The following GEN1 variants were observed in gnomAD, a reference collection of about 807,000 sequenced individuals.
GEN1 encodes the protein GEN1 structure-specific endonuclease, also known as flap endonuclease GEN homolog 1.
GEN1 carries 64 observed loss-of-function variants against 67.6 expected under a neutral mutation model. The observed-to-expected ratio is 0.95, with a 90% CI of 0.77 to 1.17. The LOEUF (loss-of-function observed/expected upper bound fraction) is 1.17. GEN1 is among the 50% of genes most tolerant of loss of function. The pLI is 0.00. For missense variants in GEN1, 1,058 were observed against 1,048.3 expected (o/e 1.01, Z -0.13); for synonymous variants, 371 against 359.4 (o/e 1.03, Z -0.37).
Position 17,766,619 on chromosome 2 carries a change from G to A in GEN1, c.566G>A (p.Ser189Asn), listed in dbSNP as rs116772931. 0.016 allele frequency: 26,515 copies of A among 1,608,004 alleles called. 284 individuals carry two copies. Among genetic ancestry groups the A allele is most frequent in the Non-Finnish European group, 0.019 (22,386 of 1,174,954 alleles). Residue 189 changes from serine to asparagine, a missense_variant, in exon 5 of 14, where the codon AGT becomes AAT. Coordinates refer to ENST00000381254, the MANE Select transcript of GEN1 (RefSeq NM_001130009.3). The stretch of plus-strand genomic sequence containing the variant: ...TGTTACACAATGTCATCTATCAAGA[G>A]TAAACTAGGTTTGGATAGAGATGCT... ...VDCYTMSSIK[S>N]KLGLDRDALV...
At chr2:17,765,301 C>T (rs1419308669) in intron 4 of GEN1, among the ~76,000 whole-genome samples, 1 of 152,140 alleles carries the variant, frequency 6.6e-6, no homozygotes, top group Non-Finnish European at 1.5e-5. Flanking sequence ...TGGTTTGATT[C>T]TAAATCATTT....
chr2:17,782,006 G>A lies in GEN1; in HGVS notation c.*67G>A, dbSNP rs1374385071. On this transcript the variant is annotated 3_prime_UTR_variant, in exon 14 of 14. Transcript: ENST00000381254. ...TCAGCAATAGCAGAGACAGAGGGAA[G>A]GTATCTAGTTCATGTGTGGTAAAAA... The A allele has an allele frequency of 1.2e-6, 1 of 830,612 alleles. No homozygotes were observed. The highest frequency in any genetic ancestry group is 2.6e-5 in the East Asian group (1 of 38,766). The allele number at this position is 830,612 out of a possible 1,614,324, so 51.5% of individuals were successfully genotyped here. A position where few individuals can be genotyped will look rare whatever the true frequency, so the allele number is the denominator to read the frequency against.
Position 17,780,924 on chromosome 2 carries a change from A to G in GEN1, c.1712A>G (p.Asn571Ser), listed in dbSNP as rs372381849. Residue 571 changes from asparagine to serine, a missense_variant, in exon 14 of 14, where the codon AAT (asparagine) becomes AGT (serine). Asn to Ser is a conservative substitution (Grantham distance 46). Coordinates refer to ENST00000381254, the MANE Select transcript of GEN1 (RefSeq NM_001130009.3). ...KSLISESSQPNTSSHNISVIA... is the reference protein window; with the variant it reads ...KSLISESSQPSTSSHNISVIA... ...CTAATTTCAGAATCTAGTCAACCCA[A>G]TACCTCATCTCATAATATATCCGTG... 156 of 1,613,588 alleles carry G rather than the reference A, an allele frequency of 9.7e-5. No individual in the cohort carries two copies. The highest frequency in any genetic ancestry group is 1.2e-4 in the Non-Finnish European group (147 of 1,179,826).
At chr2:17,775,007 G>A (rs1473813363) in intron 11 of GEN1, among the ~76,000 whole-genome samples, 1 of 152,072 alleles carries the variant, frequency 6.6e-6, no homozygotes, top group African/African-American at 2.4e-5. Flanking sequence ...TAAAAGAATT[G>A]AAGAAGAAAG....
Position 17,773,251 on chromosome 2 carries a change from A to G in GEN1, c.1023A>G (p.Lys341=), listed in dbSNP as rs1242409929. The change falls in exon 10 of 14, where the codon AAA becomes AAG. Residue 341 remains lysine, a synonymous_variant. Coordinates refer to ENST00000381254, the MANE Select transcript of GEN1 (RefSeq NM_001130009.3). ...VIQEFLLNKD[K]LVKVIRYQRP... ...AAGAATTCCTTTTAAACAAGGATAA[A>G]TTGGTGAAGGTTATCAGGTACCAAA... 1 of 1,602,816 alleles carries G rather than the reference A, an allele frequency of 6.2e-7. No individual in the cohort carries two copies. Among genetic ancestry groups the G allele is most frequent in the African/African-American group, 1.3e-5 (1 of 74,668 alleles).
chr2:17,765,117 C>T (rs1231326453), intron 4 of GEN1, 44 bp downstream of exon 4: 3 of 1,580,442 alleles, frequency 1.9e-6, no homozygotes, highest in Non-Finnish European at 2.6e-6. Flanking sequence ...TTACGAACTA[C>T]CTTTTTTAAA....
chr2:17,762,203 G>GTT (rs528367680), intron 3 of GEN1, among the ~76,000 whole-genome samples: 104 of 125,636 alleles, frequency 8.3e-4, no homozygotes, highest in African/African-American at 1.1e-3. Flanking sequence ...TTTTTTGGTT[G>GTT]TTTTTTTTTT....
At chr2:17,778,320 ACAC>A (rs1672608335) in intron 12 of GEN1, among the ~76,000 whole-genome samples, 2 of 44,394 alleles carry the variant, frequency 4.5e-5, no homozygotes, top group African/African-American at 1.4e-4. Flanking sequence ...ATATACACAC[ACAC>A]GTGTACATAT....
At position 17,781,975 on chromosome 2, in the gene GEN1, G is replaced by A. The variant is rs1440317779; in HGVS notation, c.*36G>A. 4 of 1,192,534 alleles carry A rather than the reference G, an allele frequency of 3.4e-6. No individual in the cohort carries two copies. The African/African-American group carries it at 6.1e-5, about 18-fold the overall frequency. 73.9% of individuals were successfully genotyped at this position (1,192,534 alleles called of 1,614,324 possible). On this transcript the variant is annotated 3_prime_UTR_variant, in exon 14 of 14. Transcript: ENST00000381254. ...ACTTAGGTATAACTTAACTATTTTA[G>A]TACTATCAGCAATAGCAGAGACAGA...
At chr2:17,773,153 T>TGTA (rs758594150) in intron 9 of GEN1, 21 bp downstream of exon 9, 5 of 1,570,714 alleles carry the variant, frequency 3.2e-6, no homozygotes, top group Non-Finnish European at 4.4e-6. Flanking sequence ...GTAATTCAAC[T>TGTA]CTATTAATTT....
chr2:17,765,310 T>A (rs1192681923), intron 4 of GEN1, among the ~76,000 whole-genome samples: 1 of 152,246 alleles, frequency 6.6e-6, no homozygotes, highest in Non-Finnish European at 1.5e-5. Flanking sequence ...TCTAAATCAT[T>A]TTCAAAAATA....
chr2:17,781,733 A>C lies in GEN1; in HGVS notation c.2521A>C (p.Ser841Arg). 1 of 1,603,128 alleles carries C rather than the reference A, an allele frequency of 6.2e-7. No homozygotes were observed. Among genetic ancestry groups the C allele is most frequent in the African/African-American group, 1.3e-5 (1 of 74,988 alleles). Residue 841 changes from serine to arginine, a missense_variant, in exon 14 of 14, where the codon AGT becomes CGT. By Grantham distance (110) the Ser-to-Arg change is moderately radical. Coordinates refer to ENST00000381254, the MANE Select transcript of GEN1 (RefSeq NM_001130009.3). ...HFKESGHNKL[S>R]SPKIHIKETE... ...CAAAGAAAGTGGCCATAACAAGTTG[A>C]GTAGCCCTAAGATACATATTAAAGA...
rs547356479 is a variant in GEN1 at position 17,779,095 on chromosome 2, A to G, written c.1265-883A>G. Reference sequence around the variant, plus strand: ...CTGCCATCATGCCTGGCTAATTTTCATATTTTTAGTAGAGATGGAGTTTCG... The same window carrying G: ...CTGCCATCATGCCTGGCTAATTTTCGTATTTTTAGTAGAGATGGAGTTTCG... On this transcript the variant is annotated intron_variant, in intron 12 of 13. Coordinates refer to ENST00000381254, the MANE Select transcript of GEN1 (RefSeq NM_001130009.3). Among the ~76,000 whole-genome samples the G allele has an allele frequency of 7.9e-5, 12 of 152,056 alleles. No individual in the cohort carries two copies. In the South Asian group the frequency reaches 1.3e-3, roughly 16 times the overall value.
chr2:17,772,950 T>C, intron 8 of GEN1, 146 bp from the exon 9 acceptor site: 1 of 800,574 alleles, frequency 1.2e-6, no homozygotes, highest in Non-Finnish European at 2.0e-6. Flanking sequence ...GAGATAGTAA[T>C]GTAATAGTTA....
At chr2:17,779,738 A>C (rs950403998) in intron 12 of GEN1, among the ~76,000 whole-genome samples, 2 of 152,008 alleles carry the variant, frequency 1.3e-5, no homozygotes, top group Non-Finnish European at 2.9e-5. Context: ...AGTAGCTGGG[A>C]TTATAGGCAC....
chr2:17,769,043 A>G (rs551283492), intron 6 of GEN1, among the ~76,000 whole-genome samples: 64 of 151,966 alleles, frequency 4.2e-4, no homozygotes, highest in Admixed American at 1.8e-3. Flanking sequence ...TTTTGGAGAC[A>G]AGGTCTCACT....
chr2:17,777,189 A>G (rs1205966330), intron 11 of GEN1, among the ~76,000 whole-genome samples: 1 of 152,176 alleles, frequency 6.6e-6, no homozygotes, highest in Non-Finnish European at 1.5e-5. Flanking sequence ...AAAAAAATGA[A>G]CACAGAGGGA....
rs1365627779 is a variant in GEN1, at chr2:17,785,927, A to G, written c.*3988A>G. 6.6e-6 allele frequency: 1 copy of G among 151,932 alleles called. No individual in the cohort carries two copies. The highest frequency in any genetic ancestry group is 1.5e-5 in the Non-Finnish European group (1 of 67,982). 9.4% of individuals were successfully genotyped at this position (151,932 alleles called of 1,614,324 possible). Reference sequence around the variant, plus strand: ...AATTTAAATTAAAAAAAAATATACAATCTCCGTCTTCTAGATTTTATAATG... The same window carrying G: ...AATTTAAATTAAAAAAAAATATACAGTCTCCGTCTTCTAGATTTTATAATG... On this transcript the variant is annotated 3_prime_UTR_variant, in exon 14 of 14. Transcript: ENST00000381254.
intron 8 of GEN1, 51 bp from the exon 9 acceptor site, chr2:17,773,045 G>C: frequency 1.7e-6 from 2 of 1,171,988 alleles, no homozygotes; most frequent in Non-Finnish European, 2.5e-6. Flanking sequence ...TGATTTCAGA[G>C]TCTAAAATTG....
Sources: gnomAD v4.1 joint callset for allele counts (sites outside exome capture counted in the v4.1 genomes callset) on GRCh38, gnomAD v4.1.1 for gene constraint, MANE v1.5 for transcripts, NCBI Gene and HGNC (gene_info 2026-07-23, HGNC 2026-07-21) for gene names.